TTN: variants seen among roughly 807,000 people sequenced by gnomAD.
The protein encoded by TTN is connectin.
TTN carries 1,525 observed loss-of-function variants against 3,223.0 expected under a neutral mutation model. That is an observed-to-expected ratio of 0.47 (90% CI 0.45 to 0.49). TTN has a LOEUF of 0.49. Ranked by LOEUF, TTN falls within the 20% of genes least tolerant of loss-of-function variation. The probability of loss-of-function intolerance (pLI) is 0.00; values close to 1 mark genes in which losing one functional copy is unlikely to be tolerated. For synonymous variants in TTN, 14,094 were observed against 15,161.0 expected, an observed-to-expected ratio of 0.93 and a Z score of 5.17; for missense variants, 40,786 against 43,424.0, an observed-to-expected ratio of 0.94 and a Z score of 5.40.
At chr2:178,769,294 C>T (rs959200854) in intron 37 of TTN, among the ~76,000 whole-genome samples, 5 of 151,810 alleles carry the variant, frequency 3.3e-5, no homozygotes, top group African/African-American at 1.2e-4. Flanking sequence ...CACTTTGTCG[C>T]CCAGGCTGCA....
chr2:178,586,625 G>A lies in TTN; in HGVS notation c.64276C>T (p.Leu21426Phe), dbSNP rs1235011285. ...TEYSVVKDLS[L>F]VVTGLKEGKK... Reference sequence around the variant, plus strand: ...CCTTCCTTTAGGCCAGTGACAACAAGGCTCAGATCTTTTACCACTGAGTAC... The same window carrying A: ...CCTTCCTTTAGGCCAGTGACAACAAAGCTCAGATCTTTTACCACTGAGTAC... Residue 21426 changes from leucine to phenylalanine, a missense_variant, in exon 308 of 363, where the codon CTT becomes TTT. By Grantham distance (22) the Leu-to-Phe change is conservative (BLOSUM62 0). Coordinates refer to ENST00000589042, the MANE Select transcript of TTN (RefSeq NM_001267550.2). The A allele has an allele frequency of 2.5e-6, 4 of 1,613,024 alleles. No individual in the cohort carries two copies. The highest frequency in any genetic ancestry group is 8.5e-7 in the Non-Finnish European group (1 of 1,179,414).
At chr2:178,797,885 A>AT (rs1405321280) in intron 6 of TTN, among the ~76,000 whole-genome samples, 1 of 150,342 alleles carries the variant, frequency 6.7e-6, no homozygotes, top group African/African-American at 2.4e-5. Context: ...TTTTTTTTTC[A>AT]TTTTTTAACT....
chr2:178,663,832 G>C lies in TTN; in HGVS notation c.36435C>G (p.Val12145=), dbSNP rs778927957. ...VPLAPPKEPE[V]PPVKVPEPPK... The stretch of plus-strand genomic sequence containing the variant: ...AGTGGCAACTACCTTTAACAGGTGG[G>C]ACTTCAGGCTCTTTAGGAGGAGCCA... The change falls in exon 170 of 363, where the codon GTC becomes GTG. Residue 12145 remains valine (V), a synonymous_variant. Coordinates refer to ENST00000589042, the MANE Select transcript of TTN (RefSeq NM_001267550.2). The C allele has an allele frequency of 6.2e-7, 1 of 1,613,286 alleles. No individual in the cohort carries two copies. The highest frequency in any genetic ancestry group is 1.1e-5 in the South Asian group (1 of 91,072).
Position 178,527,176 on chromosome 2 carries a change from G to A in TTN, c.107812C>T (p.His35938Tyr). The A allele has an allele frequency of 6.2e-7, 1 of 1,613,928 alleles. No homozygotes were observed. The highest frequency in any genetic ancestry group is 8.5e-7 in the Non-Finnish European group (1 of 1,179,872). ...TGGAACCTCCCCTGTTCTTGACTGT[G>A]GATTTTTCTTCCACCACAGGACCAT... Reference protein sequence around the residue: ...VTWSCGGRKIHSQEQGRFHIE... With the variant: ...VTWSCGGRKIYSQEQGRFHIE... Residue 35938 changes from histidine to tyrosine, a missense_variant, in exon 363 of 363, where the codon CAC (histidine) becomes TAC (tyrosine). His to Tyr is a moderately conservative substitution (Grantham distance 83, BLOSUM62 2). Transcript: ENST00000589042.
At chr2:178,613,528 C>T (rs1486878729) in intron 263 of TTN, among the ~76,000 whole-genome samples, 1 of 151,848 alleles carries the variant, frequency 6.6e-6, no homozygotes, top group Non-Finnish European at 1.5e-5. Flanking sequence ...GGATCAAACA[C>T]TTTGAAACTT....
intron 118 of TTN, 91 bp downstream of exon 118, chr2:178,693,831 G>A (rs2073051151): frequency 7.8e-7 from 1 of 1,275,968 alleles, no homozygotes; most frequent in Non-Finnish European, 1.1e-6. Flanking sequence ...AGACAGAAAT[G>A]TCTACACGAT....
chr2:178,530,723 T>C lies in TTN; in HGVS notation c.105892A>G (p.Lys35298Glu), dbSNP rs1038411721. 1 of 1,613,958 alleles carries C rather than the reference T, an allele frequency of 6.2e-7. No individual in the cohort carries two copies. The highest frequency in any genetic ancestry group is 8.5e-7 in the Non-Finnish European group (1 of 1,179,880). Residue 35298 changes from lysine to glutamate, a missense_variant, in exon 358 of 363, where the codon AAA becomes GAA. Transcript: ENST00000589042. ...ITQFLKAEAS[K>E]EIAKLTCVVE... ...ACACAGGTCAGTTTTGCAATCTCTT[T>C]AGAAGCTTCTGCTTTCAGGAACTGA...
In TTN at chr2:178,773,967, C is replaced by T. The variant is rs762102248; in HGVS notation, c.7201G>A (p.Val2401Ile). 3 of 1,614,068 alleles carry T rather than the reference C, an allele frequency of 1.9e-6. No homozygotes were observed. The highest frequency in any genetic ancestry group is 2.5e-6 in the Non-Finnish European group (3 of 1,179,994). The stretch of plus-strand genomic sequence containing the variant: ...GATTGTTTGTCTATCACAATGTGAA[C>T]CCTGTCACTGGGCTGCACTTCTTGG... ...DGQEVQPSDRVHIVIDKQSHM... is the reference protein window; with the variant it reads ...DGQEVQPSDRIHIVIDKQSHM... The change falls in exon 31 of 363, where the codon GTT becomes ATT. Residue 2401 changes from valine (V) to isoleucine (I), a missense_variant. Physicochemically the swap from Val to Ile is conservative, Grantham distance 29. Transcript: ENST00000589042.
rs1001946390 is a variant in TTN, at chr2:178,583,516, T to C, written c.65575+91A>G. On this transcript the variant is annotated intron_variant, in intron 312 of 362. Coordinates refer to ENST00000589042, the MANE Select transcript of TTN (RefSeq NM_001267550.2). The stretch of plus-strand genomic sequence containing the variant: ...AAAACATCATTTTAATTTTCCTTTT[T>C]TCCTTAGGTGTATATTTAGTTTTTT... 5 of 1,312,390 alleles carry C rather than the reference T, an allele frequency of 3.8e-6. No individual in the cohort carries two copies. The African/African-American group carries it at 6.0e-5, about 16-fold the overall frequency. 81.3% of individuals were successfully genotyped at this position (1,312,390 alleles called of 1,614,324 possible).
intron 240 of TTN, 135 bp from the exon 241 acceptor site, chr2:178,625,531 C>G: frequency 1.1e-6 from 1 of 901,882 alleles, no homozygotes; most frequent in Non-Finnish European, 1.5e-6. Flanking sequence ...CGTATGCATT[C>G]AAAAATCATT....
Position 178,530,281 on chromosome 2 carries a change from C to T in TTN, c.106334G>A (p.Gly35445Glu). ...SVAKFAVKATGEPRPTAIWTK... is the reference protein window; with the variant it reads ...SVAKFAVKATEEPRPTAIWTK... ...CCAGATGGCAGTTGGCCGGGGTTCTCCAGTAGCCTTAACTGCAAATTTAGC... is the reference window on the plus strand; with the variant it reads ...CCAGATGGCAGTTGGCCGGGGTTCTTCAGTAGCCTTAACTGCAAATTTAGC... Residue 35445 changes from glycine to glutamate, a missense_variant, in exon 358 of 363, where the codon GGA becomes GAA. Physicochemically the swap from Gly to Glu is moderately conservative, Grantham distance 98 (BLOSUM62 -2). Coordinates refer to ENST00000589042, the MANE Select transcript of TTN (RefSeq NM_001267550.2). 6.2e-7 allele frequency: 1 copy of T among 1,612,200 alleles called. No homozygotes were observed. Among genetic ancestry groups the T allele is most frequent in the African/African-American group, 1.3e-5 (1 of 74,970 alleles).
At position 178,548,196 on chromosome 2, in the gene TTN, G is replaced by A. The variant is rs770088691; in HGVS notation, c.93430C>T (p.Arg31144Trp). 9 of 1,613,662 alleles carry A rather than the reference G, an allele frequency of 5.6e-6. No individual in the cohort carries two copies. The highest frequency in any genetic ancestry group is 2.7e-5 in the African/African-American group (2 of 74,880). Residue 31144 changes from arginine (R) to tryptophan (W), a missense_variant, in exon 339 of 363, where the codon CGG becomes TGG. By Grantham distance (101) the Arg-to-Trp change is moderately radical. Coordinates refer to ENST00000589042, the MANE Select transcript of TTN (RefSeq NM_001267550.2). The surrounding 1 kb of genome is among the most constrained non-coding windows in gnomAD (Gnocchi z 4.3). ...ATTTCAAGCAGGTAGCCAGTGATCCGGCTGCCTCCATCGTGGTCAGGTTTA... is the reference window on the plus strand; with the variant it reads ...ATTTCAAGCAGGTAGCCAGTGATCCAGCTGCCTCCATCGTGGTCAGGTTTA... ...WLKPDHDGGS[R>W]ITGYLLEMRQ...
At position 178,723,027 on chromosome 2, in the gene TTN, A is replaced by C. The variant is rs2078688288; in HGVS notation, c.21961+19T>G. ...GTTAGAAGAATGCAAATGATTTAAG[A>C]GACAATAAGACAACACACCTAATGT... is the stretch of plus-strand genomic sequence containing the variant. On this transcript the variant is annotated intron_variant, in intron 75 of 362. Transcript: ENST00000589042. The C allele has an allele frequency of 6.2e-7, 1 of 1,607,790 alleles. No individual in the cohort carries two copies. The highest frequency in any genetic ancestry group is 8.5e-7 in the Non-Finnish European group (1 of 1,177,042).
Position 178,773,978 on chromosome 2 carries a change from G to C in TTN, c.7190C>G (p.Pro2397Arg). 1 of 1,613,932 alleles carries C rather than the reference G, an allele frequency of 6.2e-7. No individual in the cohort carries two copies. Among genetic ancestry groups the C allele is most frequent in the Non-Finnish European group, 8.5e-7 (1 of 1,179,950 alleles). The change falls in exon 31 of 363, where the codon CCC (proline) becomes CGC (arginine). Residue 2397 changes from proline to arginine, a missense_variant. Pro to Arg is a moderately radical substitution (Grantham distance 103). Coordinates refer to ENST00000589042, the MANE Select transcript of TTN (RefSeq NM_001267550.2). ...VWMKDGQEVQ[P>R]SDRVHIVIDK... ...TATCACAATGTGAACCCTGTCACTG[G>C]GCTGCACTTCTTGGCCGTCTTTCAT...
At position 178,728,344 on chromosome 2, in the gene TTN, G is replaced by A. The variant is rs1197620671; in HGVS notation, c.19480C>T (p.Leu6494=). The part of the protein sequence containing the change: ...TKKLTKMDKV[L]GSSIHMECKV... ...CACTCCATATGAATAGAAGAGCCCA[G>A]AACTTTATCCATTTTGGTTAATTTT... Residue 6494 remains leucine, a synonymous_variant, in exon 67 of 363, where the codon CTG becomes TTG. Transcript: ENST00000589042. The A allele has an allele frequency of 6.2e-7, 1 of 1,608,374 alleles. No individual in the cohort carries two copies.
intron 130 of TTN, 53 bp downstream of exon 130, chr2:178,684,853 C>A: frequency 1.3e-6 from 2 of 1,542,282 alleles, no homozygotes; most frequent in South Asian, 1.2e-5. Flanking sequence ...AAGAATGTAT[C>A]AATTTAAGAT....
chr2:178,769,546 G>A (rs1291854920), intron 37 of TTN, 133 bp downstream of exon 37: 1 of 707,474 alleles, frequency 1.4e-6, no homozygotes, highest in Non-Finnish European at 2.0e-6. Flanking sequence ...TTACAGGCTT[G>A]AGCCACCCTG....
intron 6 of TTN, among the ~76,000 whole-genome samples, chr2:178,798,067 T>C (rs1004926413): frequency 2.2e-4 from 33 of 152,208 alleles, no homozygotes; most frequent in African/African-American, 7.9e-4. Flanking sequence ...GGATCTATTA[T>C]ACTTGGATCT....
chr2:178,740,783 T>G lies in TTN; in HGVS notation c.12450A>C (p.Leu4150=), dbSNP rs746475886. 5 of 1,613,378 alleles carry G rather than the reference T, an allele frequency of 3.1e-6. No homozygotes were observed. The highest frequency in any genetic ancestry group is 4.2e-6 in the Non-Finnish European group (5 of 1,179,670). Residue 4150 remains leucine, a synonymous_variant, in exon 48 of 363, where the codon CTA becomes CTC. Transcript: ENST00000589042. Reference sequence around the variant, plus strand: ...TCTGGGACTGTACAATCTGCAGCTGTAGGTTGGGAGATGGTTCCTTGAGAG... The same window carrying G: ...TCTGGGACTGTACAATCTGCAGCTGGAGGTTGGGAGATGGTTCCTTGAGAG... ...FQPLKEPSPN[L]QLQIVQSQKT...
Sources: gnomAD v4.1 joint callset for allele counts (sites outside exome capture counted in the v4.1 genomes callset) on GRCh38, gnomAD v4.1.1 for gene constraint, Gnocchi (gnomAD v3.1) non-coding constraint, MANE v1.5 for transcripts, NCBI Gene and HGNC (gene_info 2026-07-23, HGNC 2026-07-21) for gene names.